Variants in CAST observed in about 807,000 individuals in gnomAD.
CAST encodes MIR583 host.
In CAST, 76 loss-of-function variants were observed where a neutral mutation model predicts 119.6. The ratio of observed to expected loss-of-function variants is 0.64; its 90% CI spans 0.53 to 0.77. The LOEUF (loss-of-function observed/expected upper bound fraction) is 0.77, where lower values mean the gene tolerates loss of function less well. Ranked by LOEUF, CAST falls within the 30% of genes least tolerant of loss-of-function variation. The pLI is 0.00. For synonymous variants in CAST, 319 were observed against 331.6 expected, an observed-to-expected ratio of 0.96 and a Z score of 0.41; for missense variants, 953 against 946.5, an observed-to-expected ratio of 1.01 and a Z score of -0.09.
chr5:96,414,137 T>TAAAAAAAAAA, the CAST span, among the ~76,000 whole-genome samples: 1 of 124,758 alleles, frequency 8.0e-6, no homozygotes, highest in African/African-American at 3.1e-5. Flanking sequence ...AGACTCTGTC[T>TAAAAAAAAAA]AAAAAAAAAA....
chr5:96,365,013 G>T, the CAST span, among the ~76,000 whole-genome samples: 1 of 152,164 alleles, frequency 6.6e-6, no homozygotes, highest in African/African-American at 2.4e-5. Flanking sequence ...CAGAGATTCT[G>T]CTATGTTGTG....
chr5:96,400,089 C>T, the CAST span: 3 of 1,614,066 alleles, frequency 1.9e-6, no homozygotes, highest in African/African-American at 2.7e-5. Context: ...ACCATCAAGC[C>T]TGCTCCATTC....
intron 1 of CAST, among the ~76,000 whole-genome samples, chr5:96,673,757 A>G (rs1203247677): frequency 2.0e-5 from 3 of 152,226 alleles, no homozygotes; most frequent in Admixed American, 2.0e-4. Flanking sequence ...ATCAATTGCC[A>G]TATAGCCTTG....
At chr5:96,423,235 T>C in the CAST span, 1 of 1,425,296 alleles carries the variant, frequency 7.0e-7, no homozygotes, top group Non-Finnish European at 9.7e-7. Flanking sequence ...AGCATCCCCT[T>C]GAAAAGAAGG....
intron 2 of CAST, among the ~76,000 whole-genome samples, chr5:96,680,464 G>T (rs968144008): frequency 6.6e-6 from 1 of 151,256 alleles, no homozygotes; most frequent in Non-Finnish European, 1.5e-5. Context: ...GTACATCTTG[G>T]TGTATTTTCC....
chr5:96,742,783 A>G, intron 16 of CAST, 27 bp downstream of exon 16: 10 of 1,514,446 alleles, frequency 6.6e-6, no homozygotes, highest in Non-Finnish European at 9.2e-6. Flanking sequence ...TGATTTACAA[A>G]GCTTGTTAGT....
At chr5:96,478,929 A>G in the CAST span, among the ~76,000 whole-genome samples, 1 of 152,372 alleles carries the variant, frequency 6.6e-6, no homozygotes, top group African/African-American at 2.4e-5. Context: ...GATAACTGAT[A>G]GACTCAATTG....
the CAST span, among the ~76,000 whole-genome samples, chr5:96,119,637 A>G: frequency 5.9e-5 from 9 of 152,326 alleles, no homozygotes; most frequent in African/African-American, 2.2e-4. Flanking sequence ...CTATCTAAAG[A>G]AAGTGAAAAG....
intron 1 of CAST, among the ~76,000 whole-genome samples, chr5:96,635,659 G>A (rs1016393257): frequency 3.9e-5 from 6 of 152,172 alleles, no homozygotes; most frequent in African/African-American, 1.4e-4. Context: ...TAAGCCCTGT[G>A]CATTTGTTCT....
chr5:96,367,857 G>C, the CAST span, among the ~76,000 whole-genome samples: 1 of 152,044 alleles, frequency 6.6e-6, no homozygotes, highest in African/African-American at 2.4e-5. Flanking sequence ...AAAAGCCCCA[G>C]TGAGATGAAC....
the CAST span, among the ~76,000 whole-genome samples, chr5:96,085,022 C>G: frequency 6.6e-6 from 1 of 152,140 alleles, no homozygotes; most frequent in Non-Finnish European, 1.5e-5. Context: ...ATCTTTCTAC[C>G]CCATTCCAGC....
At chr5:96,229,252 T>G in the CAST span, among the ~76,000 whole-genome samples, 3 of 150,940 alleles carry the variant, frequency 2.0e-5, no homozygotes, top group South Asian at 2.1e-4. Context: ...GTTAGTTATG[T>G]GAAGGATACT....
chr5:95,974,954 C>G, the CAST span, among the ~76,000 whole-genome samples: 11 of 152,228 alleles, frequency 7.2e-5, no homozygotes, highest in Non-Finnish European at 1.2e-4. Flanking sequence ...CATGGAATAA[C>G]AATTGTCCTT....
chr5:96,157,702 C>A, the CAST span, among the ~76,000 whole-genome samples: 6 of 152,210 alleles, frequency 3.9e-5, no homozygotes, highest in East Asian at 1.2e-3. Context: ...AGCAATTGGC[C>A]TTCTCACTTT....
At chr5:96,762,659 T>C (rs902294896) in intron 25 of CAST, 2 of 354,638 alleles carry the variant, frequency 5.6e-6, no homozygotes, top group Non-Finnish European at 1.0e-5. Context: ...ATTGTGTCTA[T>C]ATTCAAATTA....
At chr5:96,455,698 C>T in the CAST span, among the ~76,000 whole-genome samples, 1 of 152,224 alleles carries the variant, frequency 6.6e-6, no homozygotes, top group African/African-American at 2.4e-5. Context: ...CCTCTCCTTC[C>T]TGGCTTTTCG....
At chr5:95,965,710 C>T in the CAST span, among the ~76,000 whole-genome samples, 1 of 152,138 alleles carries the variant, frequency 6.6e-6, no homozygotes, top group Non-Finnish European at 1.5e-5. Context: ...CAGCCATGTA[C>T]TAAAATCTAA....
At chr5:96,562,694 A>C (rs1580826124) in intron 1 of CAST, among the ~76,000 whole-genome samples, 1 of 152,334 alleles carries the variant, frequency 6.6e-6, no homozygotes, top group Non-Finnish European at 1.5e-5. Context: ...TACTCATTGC[A>C]CTATTGTTTG....
chr5:96,670,720 A>T (rs1426587545), intron 1 of CAST, among the ~76,000 whole-genome samples: 1 of 151,940 alleles, frequency 6.6e-6, no homozygotes, highest in Non-Finnish European at 1.5e-5. Flanking sequence ...CTGGTCTCGA[A>T]CTCCTGATCT....
Sources: gnomAD v4.1 joint callset for allele counts (sites outside exome capture counted in the v4.1 genomes callset) on GRCh38, gnomAD v4.1.1 for gene constraint, MANE v1.5 for transcripts, NCBI Gene and HGNC (gene_info 2026-07-23, HGNC 2026-07-21) for gene names.